Variants in CNTNAP5 observed in about 807,000 individuals in gnomAD.
The protein encoded by CNTNAP5 is contactin-associated protein-like 5.
In CNTNAP5, 72 loss-of-function variants were observed where a neutral mutation model predicts 150.2. That is an observed-to-expected ratio of 0.48 (90% CI 0.40 to 0.58). The LOEUF (loss-of-function observed/expected upper bound fraction) is 0.58, where lower values mean the gene tolerates loss of function less well. CNTNAP5 is among the 20% of genes least tolerant of loss of function. The probability of loss-of-function intolerance (pLI) is 0.00; values close to 1 mark genes in which losing one functional copy is unlikely to be tolerated. For synonymous variants in CNTNAP5, 672 were observed against 619.8 expected, an observed-to-expected ratio of 1.08 and a Z score of -1.25; for missense variants, 1,636 against 1,626.2, an observed-to-expected ratio of 1.01 and a Z score of -0.10.
intron 7 of CNTNAP5, among the ~76,000 whole-genome samples, chr2:124,476,020 A>G (rs1279092339): frequency 6.6e-6 from 1 of 151,972 alleles, no homozygotes; most frequent in Non-Finnish European, 1.5e-5. Context: ...GTGTTAGAGT[A>G]TATCTGTGTA....
At chr2:124,205,663 A>G (rs2104716547) in intron 1 of CNTNAP5, among the ~76,000 whole-genome samples, 1 of 152,180 alleles carries the variant, frequency 6.6e-6, no homozygotes, top group South Asian at 2.1e-4. Flanking sequence ...CCACCTCCCA[A>G]AATGCTGGGA....
chr2:124,329,192 C>T (rs987483070), intron 3 of CNTNAP5, among the ~76,000 whole-genome samples: 1 of 152,126 alleles, frequency 6.6e-6, no homozygotes, highest in African/African-American at 2.4e-5. Context: ...AGTGAAACTT[C>T]ATTGTGAACA....
intron 14 of CNTNAP5, among the ~76,000 whole-genome samples, chr2:124,763,301 C>G: frequency 6.6e-6 from 1 of 152,060 alleles, no homozygotes. Context: ...ATGGCTGTTT[C>G]AAGTTAGTTG....
intron 1 of CNTNAP5, among the ~76,000 whole-genome samples, chr2:124,089,441 T>C (rs1484382794): frequency 1.3e-5 from 2 of 152,126 alleles, no homozygotes; most frequent in African/African-American, 4.8e-5. Context: ...TTGCCCCAGC[T>C]CATACAGATG....
intron 1 of CNTNAP5, among the ~76,000 whole-genome samples, chr2:124,170,908 C>T (rs1419312282): frequency 6.6e-6 from 1 of 152,068 alleles, no homozygotes; most frequent in Non-Finnish European, 1.5e-5. Flanking sequence ...GCACCAGTTA[C>T]CCTGGCTTCC....
chr2:124,586,609 A>G (rs6757796), intron 11 of CNTNAP5, among the ~76,000 whole-genome samples: 75,489 of 152,054 alleles, frequency 0.5, 19,198 homozygotes, highest in East Asian at 0.72. Flanking sequence ...GATAGGTTAG[A>G]TGATGTGATC....
In CNTNAP5 at chr2:124,884,077, C is replaced by T. The variant is rs1330785686; in HGVS notation, c.3436+14315C>T. On this transcript the variant is annotated intron_variant, in intron 21 of 23. Transcript: ENST00000682447. ...TGTGTGTATATGTGTATGTGCATAT[C>T]TGTCATGTATGTCTGTGTGCATGTA... Among the ~76,000 whole-genome samples, 3 of 151,984 alleles carry T rather than the reference C, an allele frequency of 2.0e-5. No homozygotes were observed. The East Asian group carries it at 5.8e-4, about 29-fold the overall frequency.
At chr2:124,294,698 C>T (rs530855228) in intron 3 of CNTNAP5, among the ~76,000 whole-genome samples, 1 of 152,330 alleles carries the variant, frequency 6.6e-6, no homozygotes, top group East Asian at 1.9e-4. Context: ...TGCGCAGCTA[C>T]TGGAAGTTTT....
chr2:124,868,235 G>T (rs1677672619), intron 20 of CNTNAP5, among the ~76,000 whole-genome samples: 3 of 152,152 alleles, frequency 2.0e-5, no homozygotes, highest in African/African-American at 7.2e-5. Context: ...CCCTGTCAAT[G>T]ATTTCCTTTC....
intron 13 of CNTNAP5, among the ~76,000 whole-genome samples, chr2:124,671,714 A>G (rs1312076323): frequency 6.6e-6 from 1 of 152,184 alleles, no homozygotes; most frequent in Non-Finnish European, 1.5e-5. Context: ...ATCTTGGCTC[A>G]CTGCAACTTC....
At chr2:124,161,582 C>T (rs867274530) in intron 1 of CNTNAP5, among the ~76,000 whole-genome samples, 6 of 152,222 alleles carry the variant, frequency 3.9e-5, no homozygotes, top group Non-Finnish European at 7.4e-5. Flanking sequence ...ATGTGTTTGT[C>T]AATACACTGA....
At chr2:124,610,434 G>A (rs1010422342) in intron 12 of CNTNAP5, among the ~76,000 whole-genome samples, 2 of 152,186 alleles carry the variant, frequency 1.3e-5, no homozygotes, top group African/African-American at 4.8e-5. Context: ...GTGTATTGGA[G>A]CAGCTAGCCA....
intron 11 of CNTNAP5, among the ~76,000 whole-genome samples, chr2:124,601,406 A>T (rs929498478): frequency 6.6e-6 from 1 of 152,226 alleles, no homozygotes; most frequent in Non-Finnish European, 1.5e-5. Context: ...AAGGCAAACC[A>T]CAGACATTTG....
At chr2:124,657,807 C>T (rs1323374272) in intron 13 of CNTNAP5, among the ~76,000 whole-genome samples, 4 of 152,180 alleles carry the variant, frequency 2.6e-5, no homozygotes, top group Admixed American at 1.3e-4. Context: ...ACTGACTGCT[C>T]TCTCTACCCA....
At chr2:124,310,301 T>C (rs1481760914) in intron 3 of CNTNAP5, among the ~76,000 whole-genome samples, 1 of 152,080 alleles carries the variant, frequency 6.6e-6, no homozygotes, top group Non-Finnish European at 1.5e-5. Flanking sequence ...TGTGTGTCTG[T>C]GTTTTTGTGA....
At chr2:124,225,727 G>A (rs1315185337) in intron 2 of CNTNAP5, among the ~76,000 whole-genome samples, 3 of 152,130 alleles carry the variant, frequency 2.0e-5, no homozygotes, top group Admixed American at 6.6e-5. Context: ...TTCAGAGAAT[G>A]TATTCATATT....
chr2:124,850,228 A>G (rs1229792652), intron 19 of CNTNAP5, among the ~76,000 whole-genome samples: 2 of 152,200 alleles, frequency 1.3e-5, no homozygotes, highest in Non-Finnish European at 2.9e-5. Context: ...GCCCACCTGG[A>G]ACTGAGGATT....
At chr2:124,844,103 GT>G (rs1177757157) in intron 19 of CNTNAP5, among the ~76,000 whole-genome samples, 1 of 152,008 alleles carries the variant, frequency 6.6e-6, no homozygotes, top group Non-Finnish European at 1.5e-5. Context: ...GTCTAGAAGA[GT>G]TTTTTTCAAT....
intron 1 of CNTNAP5, among the ~76,000 whole-genome samples, chr2:124,078,736 G>A (rs1204336794): frequency 6.6e-6 from 1 of 152,164 alleles, no homozygotes; most frequent in East Asian, 1.9e-4. Flanking sequence ...AGCAAACATT[G>A]AGACAAGGAA....
Sources: allele counts gnomAD v4.1 joint callset (sites outside exome capture counted in the v4.1 genomes callset), GRCh38; gene constraint gnomAD v4.1.1; transcripts MANE v1.5; gene names NCBI Gene and HGNC (gene_info 2026-07-23, HGNC 2026-07-21).